The following CERKL variants were observed in gnomAD, a reference collection of about 807,000 sequenced individuals.
CERKL encodes CERK like autophagy regulator.
A neutral mutation model predicts 63.4 loss-of-function variants in CERKL; 61 were observed. That is an observed-to-expected ratio of 0.96 (90% CI 0.78 to 1.19). The LOEUF (loss-of-function observed/expected upper bound fraction) is 1.19, where lower values mean the gene tolerates loss of function less well. Among genes scored for constraint, CERKL ranks in the 50% most tolerant of loss-of-function variants. The pLI is 0.00. For missense variants in CERKL, 675 were observed against 655.5 expected (o/e 1.03, Z -0.33); for synonymous variants, 250 against 230.5 (o/e 1.08, Z -0.77).
At chr2:181,644,529 A>C (rs1313140494) in intron 1 of CERKL, among the ~76,000 whole-genome samples, 1 of 152,246 alleles carries the variant, frequency 6.6e-6, no homozygotes, top group Non-Finnish European at 1.5e-5. Flanking sequence ...TAATGGCAGC[A>C]TCCTAATCTA....
chr2:181,593,364 C>T (rs1685065969), intron 2 of CERKL, among the ~76,000 whole-genome samples: 1 of 152,088 alleles, frequency 6.6e-6, no homozygotes, highest in African/African-American at 2.4e-5. Context: ...TCATTTCTGA[C>T]AGATTTACTA....
intron 1 of CERKL, among the ~76,000 whole-genome samples, chr2:181,630,001 T>C (rs1481334138): frequency 6.6e-6 from 1 of 151,148 alleles, no homozygotes; most frequent in African/African-American, 2.4e-5. Context: ...CACCTCACTA[T>C]TAATAGGAAT....
At chr2:181,552,180 G>A (rs1474625371) in intron 5 of CERKL, among the ~76,000 whole-genome samples, 2 of 152,176 alleles carry the variant, frequency 1.3e-5, no homozygotes, top group Non-Finnish European at 1.5e-5. Context: ...ACTGGTCCAG[G>A]ATATAAAATT....
At chr2:181,601,173 C>G (rs1685444161) in intron 2 of CERKL, among the ~76,000 whole-genome samples, 1 of 152,050 alleles carries the variant, frequency 6.6e-6, no homozygotes, top group African/African-American at 2.4e-5. Flanking sequence ...TACCAAAACC[C>G]CTGGGATAGG....
intron 5 of CERKL, among the ~76,000 whole-genome samples, chr2:181,556,265 T>C (rs927372790): frequency 4.0e-5 from 6 of 151,876 alleles, no homozygotes; most frequent in Non-Finnish European, 7.4e-5. Context: ...TATAATACTT[T>C]AAATTCTAGG....
chr2:181,539,780 C>T (rs1178349898), intron 11 of CERKL, among the ~76,000 whole-genome samples: 1 of 152,170 alleles, frequency 6.6e-6, no homozygotes, highest in African/African-American at 2.4e-5. Flanking sequence ...GCCCCATTCC[C>T]ACTTTAACAA....
intron 1 of CERKL, among the ~76,000 whole-genome samples, chr2:181,613,602 A>G (rs1016424075): frequency 6.6e-6 from 1 of 152,226 alleles, no homozygotes; most frequent in Non-Finnish European, 1.5e-5. Context: ...GTAGGCTTAG[A>G]AGAAATTAAA....
intron 4 of CERKL, among the ~76,000 whole-genome samples, chr2:181,563,933 T>C (rs1336858868): frequency 6.6e-6 from 1 of 152,110 alleles, no homozygotes. Flanking sequence ...CCAACCTTTT[T>C]GGTACCAAGG....
intron 3 of CERKL, among the ~76,000 whole-genome samples, chr2:181,571,068 T>C (rs952328159): frequency 6.6e-6 from 1 of 152,178 alleles, no homozygotes; most frequent in Non-Finnish European, 1.5e-5. Context: ...TTCTGTAGTA[T>C]AATATACAAA....
At chr2:181,611,204 CAG>C (rs982440495) in intron 1 of CERKL, among the ~76,000 whole-genome samples, 2 of 152,048 alleles carry the variant, frequency 1.3e-5, no homozygotes, top group African/African-American at 4.8e-5. Flanking sequence ...GCCTGGGCAA[CAG>C]AGTGAAACTC....
chr2:181,586,817 C>G (rs945184174), intron 2 of CERKL, among the ~76,000 whole-genome samples: 15 of 152,304 alleles, frequency 9.8e-5, no homozygotes, highest in Admixed American at 9.2e-4. Flanking sequence ...GGACGCCACT[C>G]CCAGACTCAC....
In CERKL at chr2:181,544,777, C is replaced by A. The variant is rs1360882095; in HGVS notation, c.1288G>T (p.Ala430Ser). 1.9e-6 allele frequency: 3 copies of A among 1,599,100 alleles called. No individual in the cohort carries two copies. Among genetic ancestry groups the A allele is most frequent in the Non-Finnish European group, 2.6e-6 (3 of 1,168,708 alleles). The change falls in exon 11 of 13, where the codon GCT becomes TCT. Residue 430 changes from alanine to serine, a missense_variant. By Grantham distance (99) the Ala-to-Ser change is moderately conservative (BLOSUM62 1). Transcript: ENST00000410087. ...PNTRLNNGSM[A>S]LIIARNTSRP... Reference sequence around the variant, plus strand: ...GAAGTGTTTCGGGCAATTATAAGAGCCATACTTCCATTATTTAATCTGAAA... The same window carrying A: ...GAAGTGTTTCGGGCAATTATAAGAGACATACTTCCATTATTTAATCTGAAA...
chr2:181,599,365 G>A (rs1303420667), intron 2 of CERKL, among the ~76,000 whole-genome samples: 1 of 151,826 alleles, frequency 6.6e-6, no homozygotes, highest in Non-Finnish European at 1.5e-5. Flanking sequence ...GCAAAACCTT[G>A]TCTCTACTAA....
chr2:181,584,634 T>G (rs1008607453), intron 2 of CERKL, among the ~76,000 whole-genome samples: 1 of 151,938 alleles, frequency 6.6e-6, no homozygotes, highest in African/African-American at 2.4e-5. Flanking sequence ...CACTCCCAGC[T>G]TAATTTAAGT....
At chr2:181,581,077 C>T (rs1684487169) in intron 2 of CERKL, among the ~76,000 whole-genome samples, 1 of 152,182 alleles carries the variant, frequency 6.6e-6, no homozygotes, top group Admixed American at 6.5e-5. Context: ...TTCCTCCTAA[C>T]AGTAGCAATA....
intron 4 of CERKL, among the ~76,000 whole-genome samples, chr2:181,559,931 G>A (rs1408903251): frequency 2.0e-5 from 3 of 152,116 alleles, no homozygotes; most frequent in African/African-American, 7.2e-5. Context: ...TATGACCCAG[G>A]TCATGTTTGA....
intron 1 of CERKL, among the ~76,000 whole-genome samples, chr2:181,609,718 T>C (rs1323092548): frequency 6.6e-6 from 1 of 151,256 alleles, no homozygotes; most frequent in Non-Finnish European, 1.5e-5. Context: ...AATAAATAAA[T>C]AAATGAAGTA....
intron 1 of CERKL, among the ~76,000 whole-genome samples, chr2:181,653,449 C>T (rs1688020512): frequency 6.6e-6 from 1 of 152,216 alleles, no homozygotes; most frequent in Non-Finnish European, 1.5e-5. Context: ...TTGAAGAGAT[C>T]TGCAATCCCA....
chr2:181,593,597 T>C (rs928531604), intron 2 of CERKL, among the ~76,000 whole-genome samples: 4 of 151,796 alleles, frequency 2.6e-5, no homozygotes, highest in African/African-American at 9.7e-5. Flanking sequence ...AGAGCTTACC[T>C]ATTCTGCTCC....
Sources: gnomAD v4.1 joint callset for allele counts (sites outside exome capture counted in the v4.1 genomes callset) on GRCh38, gnomAD v4.1.1 for gene constraint, MANE v1.5 for transcripts, NCBI Gene and HGNC (gene_info 2026-07-23, HGNC 2026-07-21) for gene names.